The following MSI2 variants were observed in gnomAD, a reference collection of about 807,000 sequenced individuals.
MSI2 encodes the protein RNA-binding protein Musashi homolog 2.
Under a neutral mutation model 45.6 loss-of-function variants are expected in MSI2, and 17 were observed. The ratio of observed to expected loss-of-function variants is 0.37; its 90% CI spans 0.26 to 0.56. The LOEUF (loss-of-function observed/expected upper bound fraction) is 0.56. Ranked by LOEUF, MSI2 falls within the 20% of genes least tolerant of loss-of-function variation. The pLI, the probability that MSI2 is intolerant of heterozygous loss-of-function variation, is 0.77. For missense variants in MSI2, 293 were observed against 444.2 expected (o/e 0.66, Z 3.06); for synonymous variants, 156 against 158.2 (o/e 0.99, Z 0.11).
chr17:57,379,045 C>G (rs990220218), intron 5 of MSI2, among the ~76,000 whole-genome samples: 1 of 152,032 alleles, frequency 6.6e-6, no homozygotes, highest in African/African-American at 2.4e-5. Context: ...CGCTTTTGCT[C>G]TTTTGCGTGT....
rs1222958745 is a variant in MSI2, at chr17:57,407,284, TG to T, written c.405+5814del. Reference sequence around the variant, plus strand: ...GCGATCTCCCAGCTCCGGGGTTTTCTGTGCAGGTGCGAAGCTGCATTCATGG... The same window carrying T: ...GCGATCTCCCAGCTCCGGGGTTTTCTTGCAGGTGCGAAGCTGCATTCATGG... On this transcript the variant is annotated intron_variant, in intron 6 of 13. Coordinates refer to ENST00000284073, the MANE Select transcript of MSI2 (RefSeq NM_138962.4). The surrounding 1 kb of genome is among the most constrained non-coding windows in gnomAD (Gnocchi z 4.1). Among the ~76,000 whole-genome samples, 10 of 152,320 alleles carry T rather than the reference TG, an allele frequency of 6.6e-5. No individual in the cohort carries two copies. The East Asian group carries it at 1.2e-3, about 18-fold the overall frequency.
At chr17:57,372,064 A>T (rs1425795674) in intron 5 of MSI2, among the ~76,000 whole-genome samples, 4 of 151,942 alleles carry the variant, frequency 2.6e-5, no homozygotes, top group Non-Finnish European at 5.9e-5. Context: ...AACTTAATTT[A>T]AAAAAAATTA....
intron 5 of MSI2, among the ~76,000 whole-genome samples, chr17:57,333,338 G>A (rs956110528): frequency 6.6e-6 from 1 of 152,012 alleles, no homozygotes; most frequent in African/African-American, 2.4e-5. Context: ...GTTCCCAGTG[G>A]CATTTGAGCT....
At chr17:57,429,398 G>A (rs749440381) in intron 6 of MSI2, among the ~76,000 whole-genome samples, 2 of 152,322 alleles carry the variant, frequency 1.3e-5, no homozygotes, top group South Asian at 4.1e-4. Context: ...TGGGCAAAGG[G>A]TGATGTTTGT....
At chr17:57,314,877 C>T (rs557235793) in intron 5 of MSI2, among the ~76,000 whole-genome samples, 10 of 152,208 alleles carry the variant, frequency 6.6e-5, no homozygotes, top group Middle Eastern at 3.4e-3. Flanking sequence ...GCCGCGCCTG[C>T]GTTTTTAGAA....
At position 57,581,004 on chromosome 17, in the gene MSI2, CTTTT is replaced by C. The variant is rs3059122; in HGVS notation, c.455-15841_455-15838del. Among the ~76,000 whole-genome samples the C allele has an allele frequency of 1.4e-4, 9 of 66,502 alleles. No homozygotes were observed. In the South Asian group the frequency reaches 2.8e-3, roughly 20 times the overall value. 43.6% of individuals were successfully genotyped at this position (66,502 alleles called of 152,430 possible). On this transcript the variant is annotated intron_variant, in intron 7 of 13. Transcript: ENST00000284073. ...CATGCCAGCCCCATGAGGTCAGCAT[CTTTT>C]TTTTTTTTTTTTTTTTTTTTTTGAG...
At chr17:57,323,796 A>T (rs1462101434) in intron 5 of MSI2, among the ~76,000 whole-genome samples, 2 of 152,232 alleles carry the variant, frequency 1.3e-5, no homozygotes, top group Non-Finnish European at 1.5e-5. Flanking sequence ...TGTGGCATAG[A>T]CACCCACTGA....
intron 6 of MSI2, among the ~76,000 whole-genome samples, chr17:57,510,782 G>A (rs1567868118): frequency 6.6e-6 from 1 of 152,192 alleles, no homozygotes; most frequent in Non-Finnish European, 1.5e-5. Context: ...GCTGGCCAAG[G>A]CAGAACACTC....
intron 7 of MSI2, among the ~76,000 whole-genome samples, chr17:57,569,023 G>A (rs745821119): frequency 6.6e-6 from 1 of 152,016 alleles, no homozygotes; most frequent in Non-Finnish European, 1.5e-5. Context: ...TTTTGACTGT[G>A]TCTGGGAGAT....
At chr17:57,421,245 G>C (rs548109665) in intron 6 of MSI2, among the ~76,000 whole-genome samples, 6 of 152,242 alleles carry the variant, frequency 3.9e-5, no homozygotes, top group African/African-American at 1.4e-4. Flanking sequence ...CACGCTTAAT[G>C]GCCCCGTGGC....
At chr17:57,285,339 A>G (rs891220367) in intron 5 of MSI2, among the ~76,000 whole-genome samples, 1 of 152,210 alleles carries the variant, frequency 6.6e-6, no homozygotes, top group Admixed American at 6.5e-5. Context: ...GAGCAAATAG[A>G]TTAGCAACCC....
intron 7 of MSI2, among the ~76,000 whole-genome samples, chr17:57,563,707 G>GTCTC (rs577585040): frequency 0.082 from 11,869 of 145,454 alleles, 531 homozygotes; most frequent in Middle Eastern, 0.14. Context: ...CTGTCTGTCT[G>GTCTC]TCTCTCTCTC....
At chr17:57,674,883 TG>T in intron 11 of MSI2, 88 bp from the exon 12 acceptor site, 2 of 1,556,982 alleles carry the variant, frequency 1.3e-6, no homozygotes, top group Admixed American at 3.6e-5. Context: ...GCCTGGCTTC[TG>T]GCCTCATACC....
At chr17:57,623,763 G>C (rs916522932) in intron 9 of MSI2, among the ~76,000 whole-genome samples, 1 of 152,344 alleles carries the variant, frequency 6.6e-6, no homozygotes, top group East Asian at 1.9e-4. Flanking sequence ...CGGGTCTGCT[G>C]TAATGTGCTA....
intron 5 of MSI2, among the ~76,000 whole-genome samples, chr17:57,351,572 A>G (rs1188591056): frequency 6.6e-6 from 1 of 152,194 alleles, no homozygotes; most frequent in African/African-American, 2.4e-5. Context: ...GTTTGTGTGT[A>G]TGGCCAGGTG....
intron 5 of MSI2, among the ~76,000 whole-genome samples, chr17:57,277,707 A>G (rs1361963697): frequency 2.0e-5 from 3 of 152,174 alleles, no homozygotes; most frequent in Non-Finnish European, 4.4e-5. Context: ...ATTTCCTGAT[A>G]TGTAAAATGG....
Position 57,627,002 on chromosome 17 carries a change from G to T in MSI2, c.653-227G>T. The stretch of plus-strand genomic sequence containing the variant: ...TTCAGGAAAGTACATGGGCTTTGCG[G>T]GGTCTGGCTGCCCAAATATGGGTTA... On this transcript the variant is annotated intron_variant, in intron 9 of 13. Transcript: ENST00000284073. This position sits in a 1 kb window ranked among gnomAD's most constrained non-coding sequence, Gnocchi z 4.6. The T allele has an allele frequency of 1.7e-6, 1 of 595,702 alleles. No homozygotes were observed. Among genetic ancestry groups the T allele is most frequent in the Non-Finnish European group, 3.0e-6 (1 of 334,252 alleles). The allele number at this position is 595,702 out of a possible 1,614,324, so 36.9% of individuals were successfully genotyped here.
At chr17:57,583,945 C>T (rs2088276083) in intron 7 of MSI2, among the ~76,000 whole-genome samples, 1 of 152,220 alleles carries the variant, frequency 6.6e-6, no homozygotes, top group African/African-American at 2.4e-5. Flanking sequence ...GTGTTCTAGA[C>T]TGATGCATCT....
At chr17:57,363,774 AAC>A in intron 5 of MSI2, among the ~76,000 whole-genome samples, 1 of 113,022 alleles carries the variant, frequency 8.8e-6, no homozygotes, top group South Asian at 2.3e-4. Flanking sequence ...AACAACAACA[AAC>A]AACAACAACA....
Sources: allele counts gnomAD v4.1 joint callset (sites outside exome capture counted in the v4.1 genomes callset), GRCh38; gene constraint gnomAD v4.1.1; non-coding constraint Gnocchi (gnomAD v3.1); transcripts MANE v1.5; gene names NCBI Gene and HGNC (gene_info 2026-07-23, HGNC 2026-07-21).